ARID4B: variants seen among roughly 807,000 people sequenced by gnomAD.
ARID4B encodes AT-rich interactive domain-containing protein 4B.
A neutral mutation model predicts 147.5 loss-of-function variants in ARID4B; 26 were observed. The ratio of observed to expected loss-of-function variants is 0.18; its 90% confidence interval spans 0.13 to 0.24. ARID4B has a LOEUF of 0.24. ARID4B is among the 10% of genes least tolerant of loss of function. The probability of loss-of-function intolerance (pLI) is 1.00; values close to 1 mark genes in which losing one functional copy is unlikely to be tolerated. For synonymous variants in ARID4B, 512 were observed against 507.9 expected (o/e 1.01, Z -0.11); for missense variants, 1,179 against 1,511.5 (o/e 0.78, Z 3.65).
At chr1:235,200,795 T>C (rs1473841309) in intron 17 of ARID4B, among the ~76,000 whole-genome samples, 1 of 152,142 alleles carries the variant, frequency 6.6e-6, no homozygotes, top group African/African-American at 2.4e-5. Context: ...AAATAGTCAA[T>C]GCAGATAGAA....
chr1:235,206,801 A>G (rs956498990), intron 17 of ARID4B, among the ~76,000 whole-genome samples: 5 of 152,248 alleles, frequency 3.3e-5, no homozygotes, highest in African/African-American at 1.2e-4. Flanking sequence ...GGCTGATGAG[A>G]GTGGATTTAC....
intron 6 of ARID4B, among the ~76,000 whole-genome samples, chr1:235,248,275 C>A (rs1048724841): frequency 6.6e-6 from 1 of 152,136 alleles, no homozygotes; most frequent in African/African-American, 2.4e-5. Flanking sequence ...GTCTCGAACT[C>A]CTGGGCTCAA....
At chr1:235,301,418 A>C (rs535785638) in intron 2 of ARID4B, among the ~76,000 whole-genome samples, 13 of 151,636 alleles carry the variant, frequency 8.6e-5, no homozygotes, top group Admixed American at 8.5e-4. Flanking sequence ...ACACACTTGT[A>C]GTCCTAATTA....
chr1:235,249,863 A>T (rs1472709741), intron 6 of ARID4B, among the ~76,000 whole-genome samples: 1 of 150,738 alleles, frequency 6.6e-6, no homozygotes, highest in African/African-American at 2.4e-5. Flanking sequence ...TCACTTGAAC[A>T]CGGGAGGCAG....
chr1:235,306,759 G>A (rs953712133), intron 2 of ARID4B, among the ~76,000 whole-genome samples: 6 of 151,970 alleles, frequency 3.9e-5, no homozygotes, highest in Non-Finnish European at 7.4e-5. Context: ...GGATTCAAGC[G>A]ATTCTCACGC....
intron 2 of ARID4B, among the ~76,000 whole-genome samples, chr1:235,299,707 GA>G (rs1324471577): frequency 6.6e-6 from 1 of 152,164 alleles, no homozygotes; most frequent in Admixed American, 6.5e-5. Flanking sequence ...CTCTGGAAAA[GA>G]ACTCTGGATT....
At chr1:235,212,445 A>T (rs1666775953) in intron 17 of ARID4B, among the ~76,000 whole-genome samples, 1 of 152,034 alleles carries the variant, frequency 6.6e-6, no homozygotes, top group Admixed American at 6.6e-5. Context: ...CCAAAACAAA[A>T]CTTCTGAACA....
At chr1:235,185,106 C>T (rs1664584391) in intron 19 of ARID4B, among the ~76,000 whole-genome samples, 1 of 152,160 alleles carries the variant, frequency 6.6e-6, no homozygotes, top group Non-Finnish European at 1.5e-5. Flanking sequence ...CATGAGCCAA[C>T]GTCCCTGGCC....
At chr1:235,222,818 G>T (rs897546269) in intron 13 of ARID4B, among the ~76,000 whole-genome samples, 2 of 151,894 alleles carry the variant, frequency 1.3e-5, no homozygotes, top group African/African-American at 4.8e-5. Flanking sequence ...ATGTAGCTGG[G>T]ATTACAAGCG....
At chr1:235,173,259 G>A (rs550271593) in intron 22 of ARID4B, among the ~76,000 whole-genome samples, 13 of 152,246 alleles carry the variant, frequency 8.5e-5, no homozygotes, top group African/African-American at 2.6e-4. Context: ...CAGGATAATC[G>A]CTTGAATCTG....
intron 2 of ARID4B, among the ~76,000 whole-genome samples, chr1:235,270,937 G>A (rs1400129349): frequency 2.6e-5 from 4 of 152,128 alleles, no homozygotes; most frequent in Admixed American, 6.5e-5. Flanking sequence ...ATGGTTTAAT[G>A]TATCTGGGCA....
chr1:235,237,334 A>C (rs1291988359), intron 8 of ARID4B, among the ~76,000 whole-genome samples: 1 of 152,190 alleles, frequency 6.6e-6, no homozygotes, highest in African/African-American at 2.4e-5. Flanking sequence ...CTACATCGGG[A>C]TAAATAATAA....
At chr1:235,301,657 C>T (rs906920835) in intron 2 of ARID4B, among the ~76,000 whole-genome samples, 3 of 150,996 alleles carry the variant, frequency 2.0e-5, no homozygotes, top group Non-Finnish European at 4.4e-5. Context: ...TCAAGCAATC[C>T]TCCCACCTCA....
At chr1:235,173,840 CCTT>C (rs1199632402) in intron 22 of ARID4B, among the ~76,000 whole-genome samples, 1 of 67,748 alleles carries the variant, frequency 1.5e-5, no homozygotes, top group Non-Finnish European at 2.9e-5. Context: ...TATATATATA[CCTT>C]TTTTTAAATG....
intron 2 of ARID4B, among the ~76,000 whole-genome samples, chr1:235,310,528 T>C (rs569549698): frequency 2.0e-5 from 3 of 152,356 alleles, no homozygotes; most frequent in Non-Finnish European, 2.9e-5. Context: ...TGTTATTAGA[T>C]ATAACTAATG....
chr1:235,205,392 C>G (rs1666240214), intron 17 of ARID4B, among the ~76,000 whole-genome samples: 1 of 152,174 alleles, frequency 6.6e-6, no homozygotes, highest in Non-Finnish European at 1.5e-5. Flanking sequence ...GTCTCTCAGT[C>G]TCGACTCCAT....
At chr1:235,291,948 ATGAC>A (rs1672365295) in intron 2 of ARID4B, among the ~76,000 whole-genome samples, 1 of 152,180 alleles carries the variant, frequency 6.6e-6, no homozygotes, top group African/African-American at 2.4e-5. Context: ...CACAAAAACA[ATGAC>A]TGTACAGAAA....
At chr1:235,286,492 G>A in intron 2 of ARID4B, among the ~76,000 whole-genome samples, 1 of 152,192 alleles carries the variant, frequency 6.6e-6, no homozygotes, top group East Asian at 1.9e-4. Flanking sequence ...GTCAGATTCT[G>A]CACAAGAGGA....
intron 2 of ARID4B, among the ~76,000 whole-genome samples, chr1:235,276,440 T>C (rs10754589): frequency 0.47 from 70,890 of 151,872 alleles, 16,877 homozygotes; most frequent in South Asian, 0.6. Flanking sequence ...TTCAACAGAC[T>C]CTTACATTTC....
Sources: allele counts gnomAD v4.1 joint callset (sites outside exome capture counted in the v4.1 genomes callset), GRCh38; gene constraint gnomAD v4.1.1; transcripts MANE v1.5; gene names NCBI Gene and HGNC (gene_info 2026-07-23, HGNC 2026-07-21).